DNM1L: variants seen among roughly 807,000 people sequenced by gnomAD.
DNM1L encodes dynamin-1-like protein.
In DNM1L, 33 loss-of-function variants were observed where a neutral mutation model predicts 92.8. The observed-to-expected ratio is 0.36, with a 90% CI of 0.27 to 0.48. The LOEUF (loss-of-function observed/expected upper bound fraction) is 0.48. Among genes scored for constraint, DNM1L ranks in the 20% least tolerant of loss-of-function variants. The pLI is 0.99. For missense variants in DNM1L, 485 were observed against 888.8 expected, an observed-to-expected ratio of 0.55 and a Z score of 5.78; for synonymous variants, 284 against 305.0, an observed-to-expected ratio of 0.93 and a Z score of 0.72.
At chr12:32,719,424 T>C (rs1411768875) in intron 7 of DNM1L, among the ~76,000 whole-genome samples, 1 of 152,198 alleles carries the variant, frequency 6.6e-6, no homozygotes, top group Non-Finnish European at 1.5e-5. Flanking sequence ...GAGTTTAAGG[T>C]GGCAGGATTT....
At position 32,731,979 on chromosome 12, in the gene DNM1L, TTAGTAA is replaced by T. The variant is rs1449616315; in HGVS notation, c.1446+37_1446+42del. The T allele has an allele frequency of 6.6e-7, 1 of 1,516,168 alleles. No individual in the cohort carries two copies. The highest frequency in any genetic ancestry group is 9.2e-7 in the Non-Finnish European group (1 of 1,092,306). 93.9% of individuals were successfully genotyped at this position (1,516,168 alleles called of 1,614,324 possible). A position where few individuals can be genotyped will look rare whatever the true frequency, so the allele number is the denominator to read the frequency against. On this transcript the variant is annotated intron_variant, in intron 12 of 19. Transcript: ENST00000549701. The surrounding 1 kb of genome is among the most constrained non-coding windows in gnomAD (Gnocchi z 5.1). ...ATAGCATAGATCATTGTAATTACTA[TTAGTAA>T]AAGTTTAAATTTTTGCTTGGCTGCT...
chr12:32,690,425 T>G (rs1296242992), intron 1 of DNM1L, among the ~76,000 whole-genome samples: 2 of 152,210 alleles, frequency 1.3e-5, no homozygotes, highest in Non-Finnish European at 2.9e-5. Context: ...TCAGTTAATA[T>G]CTAGTTAGCC....
At chr12:32,738,138 CA>C (rs1299509908) in intron 15 of DNM1L, 125 bp from the exon 16 acceptor site, 7 of 1,197,734 alleles carry the variant, frequency 5.8e-6, no homozygotes, top group Non-Finnish European at 8.5e-6. Context: ...CTTTTGCTTG[CA>C]ATATAGAAGA....
intron 12 of DNM1L, chr12:32,732,593 C>T (rs1292974900): frequency 2.2e-6 from 1 of 455,882 alleles, no homozygotes; most frequent in South Asian, 1.5e-5. Context: ...ACTAAGAGTA[C>T]AAAACCATCC....
Position 32,712,029 on chromosome 12 carries a change from A to G in DNM1L, c.456+1014A>G, listed in dbSNP as rs544801518. Among the ~76,000 whole-genome samples, 6 of 152,244 alleles carry G rather than the reference A, an allele frequency of 3.9e-5. No homozygotes were observed. In the East Asian group the frequency reaches 7.7e-4, roughly 20 times the overall value. On this transcript the variant is annotated intron_variant, in intron 5 of 19. Transcript: ENST00000549701. ...ACCTTTACAGTATATCCAGAACTCA[A>G]TCGTGTTTTATAAATTCATATTTAC...
Position 32,740,258 on chromosome 12 carries a change from G to C in DNM1L, c.1884+18G>C. 6.2e-7 allele frequency: 1 copy of C among 1,614,150 alleles called. No homozygotes were observed. The highest frequency in any genetic ancestry group is 1.1e-5 in the South Asian group (1 of 91,056). ...TAGATGTGGTAAGCCATGACAATTT[G>C]GTTTAGGTAATAAGGTAGGTGACCA... On this transcript the variant is annotated intron_variant, in intron 17 of 19. Transcript: ENST00000549701.
intron 16 of DNM1L, among the ~76,000 whole-genome samples, chr12:32,739,511 T>C (rs1045636909): frequency 6.6e-6 from 1 of 152,244 alleles, no homozygotes; most frequent in Non-Finnish European, 1.5e-5. Context: ...AGCCTAAGAA[T>C]AGCAAATGTA....
chr12:32,684,821 T>C, intron 1 of DNM1L, among the ~76,000 whole-genome samples: 1 of 152,222 alleles, frequency 6.6e-6, no homozygotes, highest in Middle Eastern at 3.2e-3. Context: ...TATTACATTG[T>C]ATAGATACAG....
intron 16 of DNM1L, among the ~76,000 whole-genome samples, chr12:32,739,536 TAA>T (rs1244760351): frequency 2.0e-5 from 3 of 152,218 alleles, no homozygotes; most frequent in South Asian, 2.1e-4. Flanking sequence ...TGCTTTTTGT[TAA>T]AGAGTTCTTA....
At chr12:32,701,302 A>T in intron 1 of DNM1L, 113 bp from the exon 2 acceptor site, 1 of 927,132 alleles carries the variant, frequency 1.1e-6, no homozygotes, top group Non-Finnish European at 1.6e-6. Context: ...TAGTCTCTGC[A>T]CTAATTTTTC....
intron 9 of DNM1L, chr12:32,728,760 A>G (rs371291424): frequency 6.6e-5 from 10 of 152,328 alleles, no homozygotes; most frequent in East Asian, 1.9e-4. Context: ...AATAGGAGAT[A>G]AGGCAGGAAG....
chr12:32,679,429 C>A lies in DNM1L; in HGVS notation c.66C>A (p.Ile22=). ...QDVFNTVGAD[I]IQLPQIVVVG... is the part of the protein sequence containing the mutation. ...TCTTCAACACGGTGGGCGCCGACAT[C>A]ATCCAGCTGCCTCAAATCGTCGTAG... is the stretch of plus-strand genomic sequence containing the variant. The change falls in exon 1 of 20, where the codon ATC becomes ATA. Residue 22 remains isoleucine (I), a synonymous_variant. Transcript: ENST00000549701. 1 of 1,613,552 alleles carries A rather than the reference C, an allele frequency of 6.2e-7. No homozygotes were observed. The highest frequency in any genetic ancestry group is 8.5e-7 in the Non-Finnish European group (1 of 1,179,904).
At chr12:32,711,854 A>C (rs779619265) in intron 5 of DNM1L, among the ~76,000 whole-genome samples, 3 of 152,092 alleles carry the variant, frequency 2.0e-5, no homozygotes, top group African/African-American at 7.2e-5. Flanking sequence ...CTGCACTCCA[A>C]CCTGGCCAAC....
intron 9 of DNM1L, among the ~76,000 whole-genome samples, chr12:32,724,587 A>ATATATATATAT (rs1555123371): frequency 2.8e-5 from 2 of 72,018 alleles, no homozygotes; most frequent in Non-Finnish European, 7.1e-5. Context: ...AAAAAAAAAA[A>ATATATATATAT]AAAAAAATAT....
rs939464877 is a variant in DNM1L, at chr12:32,745,284, GA to G, written c.*1882del. 2 of 210,364 alleles carry G rather than the reference GA, an allele frequency of 9.5e-6. No individual in the cohort carries two copies. Among genetic ancestry groups the G allele is most frequent in the Non-Finnish European group, 1.9e-5 (2 of 105,516 alleles). The allele number at this position is 210,364 out of a possible 1,614,324, so 13.0% of individuals were successfully genotyped here. A position where few individuals can be genotyped will look rare whatever the true frequency, so the allele number is the denominator to read the frequency against. ...TTCTAGTCCTTTGAATTTGTAAGGGGAAAAAAAACAAAAACAAAAACTTACG... is the reference window on the plus strand; with the variant it reads ...TTCTAGTCCTTTGAATTTGTAAGGGGAAAAAAACAAAAACAAAAACTTACG... On this transcript the variant is annotated 3_prime_UTR_variant, in exon 20 of 20. Transcript: ENST00000549701.
At chr12:32,719,498 G>A (rs920114218) in intron 7 of DNM1L, among the ~76,000 whole-genome samples, 6 of 152,072 alleles carry the variant, frequency 3.9e-5, no homozygotes, top group South Asian at 2.1e-4. Context: ...GATGTGACTT[G>A]GAGAAATTGT....
intron 1 of DNM1L, among the ~76,000 whole-genome samples, chr12:32,682,810 T>G (rs1951860643): frequency 6.6e-6 from 1 of 152,222 alleles, no homozygotes; most frequent in Admixed American, 6.5e-5. Context: ...GAATCCTGTT[T>G]ACAGCTATCA....
In DNM1L at chr12:32,743,419, A is replaced by AT; in HGVS notation, c.*10dup. 6 of 1,613,480 alleles carry AT rather than the reference A, an allele frequency of 3.7e-6. No individual in the cohort carries two copies. The highest frequency in any genetic ancestry group is 5.1e-6 in the Non-Finnish European group (6 of 1,179,784). On this transcript the variant is annotated 3_prime_UTR_variant, in exon 20 of 20. Transcript: ENST00000549701. Reference sequence around the variant, plus strand: ...AGACTCATCTTTGGTGAAGAGAACTATGTAATACTGAGACTTTGTTGACTC... The same window carrying AT: ...AGACTCATCTTTGGTGAAGAGAACTATTGTAATACTGAGACTTTGTTGACTC...
intron 2 of DNM1L, among the ~76,000 whole-genome samples, chr12:32,704,186 GAAA>G (rs1018548264): frequency 2.0e-5 from 3 of 151,420 alleles, no homozygotes; most frequent in Non-Finnish European, 4.4e-5. Context: ...AAAAAAATGT[GAAA>G]AAAAAATTTA....
Sources: gnomAD v4.1 joint callset for allele counts (sites outside exome capture counted in the v4.1 genomes callset) on GRCh38, gnomAD v4.1.1 for gene constraint, Gnocchi (gnomAD v3.1) non-coding constraint, MANE v1.5 for transcripts, NCBI Gene and HGNC (gene_info 2026-07-23, HGNC 2026-07-21) for gene names.